The following EVI5 variants were observed in gnomAD, a reference collection of about 807,000 sequenced individuals.
EVI5 encodes ecotropic viral integration site 5.
EVI5 carries 73 observed loss-of-function variants against 112.0 expected under a neutral mutation model. That is an observed-to-expected ratio of 0.65 (90% CI 0.54 to 0.79). The LOEUF is 0.79. EVI5 is among the 30% of genes least tolerant of loss of function. The pLI is 0.00. For synonymous variants in EVI5, 305 were observed against 319.9 expected, an observed-to-expected ratio of 0.95 and a Z score of 0.50; for missense variants, 900 against 968.8, an observed-to-expected ratio of 0.93 and a Z score of 0.94.
At chr1:92,638,775 G>C (rs1186841104) in intron 13 of EVI5, among the ~76,000 whole-genome samples, 1 of 152,010 alleles carries the variant, frequency 6.6e-6, no homozygotes, top group African/African-American at 2.4e-5. Context: ...GCTATTAATT[G>C]ACAGTTTGTA....
intron 9 of EVI5, among the ~76,000 whole-genome samples, chr1:92,678,394 G>A (rs561215524): frequency 3.3e-5 from 5 of 152,110 alleles, no homozygotes; most frequent in South Asian, 4.2e-4. Context: ...AGCCAGGTGC[G>A]GTGGGTGCAT....
intron 14 of EVI5, among the ~76,000 whole-genome samples, chr1:92,632,044 T>C (rs1354247061): frequency 4.4e-5 from 1 of 22,728 alleles, no homozygotes; most frequent in African/African-American, 2.3e-4. Flanking sequence ...TTGATCATGG[T>C]GGATAAGCTT....
At chr1:92,632,343 T>G (rs1306256777) in intron 14 of EVI5, among the ~76,000 whole-genome samples, 1 of 152,190 alleles carries the variant, frequency 6.6e-6, no homozygotes, top group African/African-American at 2.4e-5. Context: ...CTATTAATTA[T>G]TGCCTCAATT....
chr1:92,545,739 C>T (rs1205491781), intron 19 of EVI5, among the ~76,000 whole-genome samples: 1 of 152,146 alleles, frequency 6.6e-6, no homozygotes, highest in East Asian at 1.9e-4. Context: ...CGGTACCACA[C>T]TCTAAAAACA....
intron 2 of EVI5, among the ~76,000 whole-genome samples, chr1:92,715,316 A>T (rs1041678470): frequency 5.9e-5 from 9 of 152,080 alleles, no homozygotes; most frequent in African/African-American, 2.2e-4. Flanking sequence ...GACAGTTTCA[A>T]TGATTTTTAA....
At chr1:92,715,791 G>C (rs1002908875) in intron 2 of EVI5, among the ~76,000 whole-genome samples, 1 of 152,148 alleles carries the variant, frequency 6.6e-6, no homozygotes, top group African/African-American at 2.4e-5. Context: ...TTAGCAAATG[G>C]TACACCAGGA....
At chr1:92,641,247 C>T (rs1412993824) in intron 13 of EVI5, among the ~76,000 whole-genome samples, 1 of 152,078 alleles carries the variant, frequency 6.6e-6, no homozygotes, top group Non-Finnish European at 1.5e-5. Context: ...TCTATATATA[C>T]TATACAAGCA....
At chr1:92,774,916 T>C (rs1004231712) in intron 1 of EVI5, among the ~76,000 whole-genome samples, 1 of 152,200 alleles carries the variant, frequency 6.6e-6, no homozygotes, top group Non-Finnish European at 1.5e-5. Context: ...GAGATGACAC[T>C]TTGCAAGCAA....
intron 19 of EVI5, among the ~76,000 whole-genome samples, chr1:92,532,392 CA>C (rs1394762983): frequency 6.6e-6 from 1 of 152,108 alleles, no homozygotes; most frequent in Non-Finnish European, 1.5e-5. Flanking sequence ...AGAAAATGAA[CA>C]AGGATATCCA....
chr1:92,648,255 C>T (rs1444541148), intron 13 of EVI5, among the ~76,000 whole-genome samples: 2 of 147,128 alleles, frequency 1.4e-5, no homozygotes, highest in Non-Finnish European at 3.0e-5. Context: ...GTGCCTTAGT[C>T]CCAGATACTC....
intron 18 of EVI5, among the ~76,000 whole-genome samples, chr1:92,574,977 T>C (rs1670831486): frequency 6.6e-6 from 1 of 152,180 alleles, no homozygotes; most frequent in South Asian, 2.1e-4. Context: ...TTACAAGTTG[T>C]GATTTTATTT....
At chr1:92,586,480 G>A (rs534528158) in intron 18 of EVI5, among the ~76,000 whole-genome samples, 1 of 151,428 alleles carries the variant, frequency 6.6e-6, no homozygotes, top group East Asian at 1.9e-4. Flanking sequence ...TGTATTTCAA[G>A]TATGTAATAC....
intron 9 of EVI5, among the ~76,000 whole-genome samples, chr1:92,690,825 T>G (rs1206142011): frequency 6.6e-6 from 1 of 152,188 alleles, no homozygotes; most frequent in Non-Finnish European, 1.5e-5. Context: ...AATCATGGCA[T>G]CTCTAATAAC....
intron 2 of EVI5, among the ~76,000 whole-genome samples, chr1:92,736,129 G>A (rs567668671): frequency 2.6e-5 from 4 of 151,724 alleles, no homozygotes; most frequent in African/African-American, 7.3e-5. Context: ...TAAAGTTATA[G>A]TTTCATTTAC....
At chr1:92,708,000 A>G (rs1284959507) in intron 2 of EVI5, among the ~76,000 whole-genome samples, 1 of 152,198 alleles carries the variant, frequency 6.6e-6, no homozygotes, top group Non-Finnish European at 1.5e-5. Context: ...GGTGCAAAAG[A>G]GTACATACGA....
At chr1:92,681,645 G>A (rs185179691) in intron 9 of EVI5, among the ~76,000 whole-genome samples, 12 of 152,018 alleles carry the variant, frequency 7.9e-5, no homozygotes, top group African/African-American at 2.4e-4. Flanking sequence ...GTCACTTTTC[G>A]CAAAATCCTC....
At chr1:92,560,402 C>T (rs900486744) in intron 19 of EVI5, among the ~76,000 whole-genome samples, 13 of 152,046 alleles carry the variant, frequency 8.6e-5, no homozygotes, top group African/African-American at 1.4e-4. Context: ...GGAGAGAGTA[C>T]GGGTTGAAAG....
chr1:92,620,408 A>G (rs1233178840), intron 16 of EVI5, among the ~76,000 whole-genome samples: 4 of 151,358 alleles, frequency 2.6e-5, no homozygotes, highest in Non-Finnish European at 2.9e-5. Flanking sequence ...TGGCATACAC[A>G]AATCTATAAA....
At chr1:92,693,969 A>G in intron 8 of EVI5, 70 bp from the exon 9 acceptor site, 1 of 970,964 alleles carries the variant, frequency 1.0e-6, no homozygotes, top group African/African-American at 1.6e-5. Context: ...AAAGACATTC[A>G]AGAAATTATG....
Sources: allele counts gnomAD v4.1 joint callset (sites outside exome capture counted in the v4.1 genomes callset), GRCh38; gene constraint gnomAD v4.1.1; transcripts MANE v1.5; gene names NCBI Gene and HGNC (gene_info 2026-07-23, HGNC 2026-07-21).